The following DMD variants were observed in gnomAD, a reference collection of about 807,000 sequenced individuals.
DMD encodes the protein mutant dystrophin.
In DMD, 63 loss-of-function variants were observed where a neutral mutation model predicts 330.1. The observed-to-expected ratio is 0.19, with a 90% CI of 0.16 to 0.24. The LOEUF (loss-of-function observed/expected upper bound fraction) is 0.24. Ranked by LOEUF, DMD falls within the 10% of genes least tolerant of loss-of-function variation. The probability of loss-of-function intolerance (pLI) is 1.00; values close to 1 mark genes in which losing one functional copy is unlikely to be tolerated. For missense variants in DMD, 3,344 were observed against 2,684.1 expected, an observed-to-expected ratio of 1.25 and a Z score of -5.43; for synonymous variants, 1,223 against 959.8, an observed-to-expected ratio of 1.27 and a Z score of -5.07.
At chrX:31,433,360 T>C (rs7059332) in intron 60 of DMD, among the ~76,000 whole-genome samples, 17,052 of 111,242 alleles carry the variant, frequency 0.15, 1,218 homozygotes, top group East Asian at 0.33. Context: ...AATGAACATA[T>C]GAGCGCACGT....
chrX:31,728,254 T>C (rs1244671157), intron 52 of DMD, among the ~76,000 whole-genome samples: 1 of 112,005 alleles, frequency 8.9e-6, no homozygotes, highest in Non-Finnish European at 1.9e-5. Flanking sequence ...CTCGATCTCC[T>C]GACCTCGTGA....
chrX:31,714,622 A>G (rs1010214720), intron 52 of DMD, among the ~76,000 whole-genome samples: 5 of 111,056 alleles, frequency 4.5e-5, no homozygotes, highest in African/African-American at 9.8e-5. Context: ...TGGAAATCTG[A>G]CTCCTATACT....
intron 1 of DMD, among the ~76,000 whole-genome samples, chrX:33,042,364 A>G (rs140965030): frequency 1.4e-3 from 152 of 112,278 alleles, no homozygotes; most frequent in African/African-American, 4.3e-3. Flanking sequence ...TTTCATTGAT[A>G]GTCCTAAAAT....
At chrX:32,461,293 C>A (rs2098382512) in intron 25 of DMD, among the ~76,000 whole-genome samples, 1 of 111,405 alleles carries the variant, frequency 9.0e-6, no homozygotes, top group Non-Finnish European at 1.9e-5. Context: ...TCACATATGG[C>A]TTCCTTGTTT....
intron 48 of DMD, among the ~76,000 whole-genome samples, chrX:31,853,280 T>G (rs1432188444): frequency 8.9e-6 from 1 of 112,992 alleles, no homozygotes; most frequent in Non-Finnish European, 1.9e-5. Flanking sequence ...ACTCAAATTC[T>G]GCCAATGTGG....
At chrX:31,740,137 A>G (rs1330047676) in intron 51 of DMD, among the ~76,000 whole-genome samples, 2 of 111,844 alleles carry the variant, frequency 1.8e-5, no homozygotes, top group African/African-American at 6.5e-5. Context: ...TTTCAAAGTC[A>G]AGAAAAAAAA....
At chrX:31,434,416 GCGCACACACACACACACACACACACA>G (rs1463108373) in intron 60 of DMD, among the ~76,000 whole-genome samples, 177 of 66,372 alleles carry the variant, frequency 2.7e-3, no homozygotes, top group Non-Finnish European at 3.9e-3. Flanking sequence ...TGCAGCGCGC[GCGCACACACACACACACACACACACA>G]CACACACACA....
chrX:32,118,778 T>G (rs948966125), intron 44 of DMD, among the ~76,000 whole-genome samples: 3 of 101,371 alleles, frequency 3.0e-5, no homozygotes, highest in Admixed American at 1.1e-4. Context: ...CAGGGGCGGG[T>G]GGGGTTGTGG....
intron 44 of DMD, among the ~76,000 whole-genome samples, chrX:31,996,729 G>A (rs749007547): frequency 5.4e-5 from 6 of 111,280 alleles, no homozygotes; most frequent in East Asian, 5.7e-4. Flanking sequence ...TCAGCCTTAC[G>A]TAGCGTTGCA....
At chrX:32,162,645 G>A (rs1459531184) in intron 44 of DMD, among the ~76,000 whole-genome samples, 1 of 94,013 alleles carries the variant, frequency 1.1e-5, no homozygotes, top group Non-Finnish European at 2.0e-5. Context: ...TGTTGCCCAG[G>A]CTGGAATGCA....
intron 44 of DMD, among the ~76,000 whole-genome samples, chrX:32,106,069 CT>C (rs2096562658): frequency 9.0e-6 from 1 of 111,495 alleles, no homozygotes; most frequent in African/African-American, 3.2e-5. Flanking sequence ...GTGTTTTCAT[CT>C]TAATTTAATG....
chrX:32,911,850 G>T (rs2087275873), intron 2 of DMD, among the ~76,000 whole-genome samples: 1 of 111,405 alleles, frequency 9.0e-6, no homozygotes, highest in African/African-American at 3.3e-5. Flanking sequence ...GACACAAAAA[G>T]TCATTTGATA....
intron 1 of DMD, among the ~76,000 whole-genome samples, chrX:33,261,096 T>C (rs764540044): frequency 9.0e-6 from 1 of 111,602 alleles, no homozygotes; most frequent in South Asian, 3.7e-4. Context: ...TGTGTCATGA[T>C]AGTATGTGTG....
chrX:31,828,066 A>G (rs2092929261), intron 49 of DMD, among the ~76,000 whole-genome samples: 1 of 112,095 alleles, frequency 8.9e-6, no homozygotes, highest in Non-Finnish European at 1.9e-5. Flanking sequence ...AACAAAGATC[A>G]AAGCAGAACT....
intron 1 of DMD, among the ~76,000 whole-genome samples, chrX:33,250,203 A>G (rs1014092211): frequency 9.5e-5 from 10 of 104,935 alleles, no homozygotes; most frequent in South Asian, 4.3e-4. Flanking sequence ...AGTTTTGTGG[A>G]AGACAATTAT....
At chrX:31,703,536 T>C (rs1369122588) in intron 52 of DMD, among the ~76,000 whole-genome samples, 1 of 112,344 alleles carries the variant, frequency 8.9e-6, no homozygotes, top group East Asian at 2.8e-4. Flanking sequence ...TGCCATTCCA[T>C]GCTACCTTGT....
At chrX:31,978,503 C>T (rs2095453147) in intron 44 of DMD, among the ~76,000 whole-genome samples, 1 of 111,616 alleles carries the variant, frequency 9.0e-6, no homozygotes, top group African/African-American at 3.3e-5. Context: ...CCTCCAGATG[C>T]ATAGTTCTTC....
chrX:31,762,473 G>A (rs1485287197), intron 51 of DMD, among the ~76,000 whole-genome samples: 1 of 111,593 alleles, frequency 9.0e-6, no homozygotes, highest in East Asian at 2.8e-4. Flanking sequence ...GGAGGCTGAG[G>A]CAGGAGAATC....
chrX:31,123,609 T>C (rs989040765), intron 78 of DMD, among the ~76,000 whole-genome samples: 2 of 112,182 alleles, frequency 1.8e-5, no homozygotes, highest in African/African-American at 6.5e-5. Context: ...CCCTGGGAAA[T>C]CTGCATAATT....
Sources: gnomAD v4.1 joint callset for allele counts (sites outside exome capture counted in the v4.1 genomes callset) on GRCh38, gnomAD v4.1.1 for gene constraint, MANE v1.5 for transcripts, NCBI Gene and HGNC (gene_info 2026-07-23, HGNC 2026-07-21) for gene names.